Variants in PCSK2 observed in about 807,000 individuals in gnomAD.
The protein encoded by PCSK2 is proprotein convertase subtilisin/kexin type 2, also known as neuroendocrine convertase 2.
In PCSK2, 14 loss-of-function variants were observed where a neutral mutation model predicts 69.7. The ratio of observed to expected loss-of-function variants is 0.20; its 90% CI spans 0.13 to 0.31. The LOEUF is 0.31. PCSK2 is among the 10% of genes least tolerant of loss of function. The probability of loss-of-function intolerance (pLI) is 1.00; values close to 1 mark genes in which losing one functional copy is unlikely to be tolerated. For synonymous variants in PCSK2, 307 were observed against 320.7 expected (o/e 0.96, Z 0.46); for missense variants, 544 against 842.5 (o/e 0.65, Z 4.39).
chr20:17,383,391 G>A (rs565374197), intron 5 of PCSK2, among the ~76,000 whole-genome samples: 30 of 152,250 alleles, frequency 2.0e-4, no homozygotes, highest in Non-Finnish European at 3.7e-4. Flanking sequence ...AACTTCTGGG[G>A]AGAAATACTA....
At chr20:17,352,371 A>G (rs1204961568) in intron 2 of PCSK2, among the ~76,000 whole-genome samples, 1 of 152,242 alleles carries the variant, frequency 6.6e-6, no homozygotes, top group Non-Finnish European at 1.5e-5. Flanking sequence ...TATAAAACCA[A>G]AAAGAGCCCG....
chr20:17,416,288 C>T (rs938476436), intron 6 of PCSK2, among the ~76,000 whole-genome samples: 42 of 152,120 alleles, frequency 2.8e-4, no homozygotes, highest in African/African-American at 9.4e-4. Flanking sequence ...TGACAAAGGG[C>T]TAATATCCAG....
At chr20:17,287,083 G>T (rs1391478913) in intron 2 of PCSK2, among the ~76,000 whole-genome samples, 1 of 151,930 alleles carries the variant, frequency 6.6e-6, no homozygotes, top group African/African-American at 2.4e-5. Flanking sequence ...AAAACCATAA[G>T]ATAAGACCCA....
chr20:17,439,839 A>T (rs8118830), intron 8 of PCSK2, among the ~76,000 whole-genome samples: 3,275 of 152,314 alleles, frequency 0.022, 125 homozygotes, highest in African/African-American at 0.075. Context: ...CTTTGCAAAG[A>T]CAGTTTCCTT....
At chr20:17,318,458 A>G (rs1464463604) in intron 2 of PCSK2, among the ~76,000 whole-genome samples, 1 of 152,214 alleles carries the variant, frequency 6.6e-6, no homozygotes, top group Non-Finnish European at 1.5e-5. Flanking sequence ...TTTCATATAG[A>G]TGAAAAACAA....
At chr20:17,315,288 G>C (rs914353783) in intron 2 of PCSK2, among the ~76,000 whole-genome samples, 50 of 151,706 alleles carry the variant, frequency 3.3e-4, no homozygotes, top group African/African-American at 1.1e-3. Context: ...GGAGGGGTTG[G>C]CCAGAGAGTT....
intron 2 of PCSK2, among the ~76,000 whole-genome samples, chr20:17,310,862 C>T (rs115300241): frequency 0.01 from 1,571 of 151,356 alleles, 28 homozygotes; most frequent in African/African-American, 0.035. Flanking sequence ...GTATTACGGG[C>T]GTGGTGGCAC....
intron 6 of PCSK2, among the ~76,000 whole-genome samples, chr20:17,409,619 T>G (rs2031827014): frequency 6.6e-6 from 1 of 152,242 alleles, no homozygotes; most frequent in Non-Finnish European, 1.5e-5. Flanking sequence ...AAGTTCTTTC[T>G]CAACCCATTA....
chr20:17,436,916 T>C, intron 8 of PCSK2, 33 bp downstream of exon 8: 1 of 1,553,394 alleles, frequency 6.4e-7, no homozygotes, highest in South Asian at 1.2e-5. Flanking sequence ...CCCCGGCCAC[T>C]CACAAGTTGG....
chr20:17,400,589 G>A (rs1488203869), intron 5 of PCSK2, among the ~76,000 whole-genome samples: 1 of 152,044 alleles, frequency 6.6e-6, no homozygotes, highest in Non-Finnish European at 1.5e-5. Flanking sequence ...TACACAAAAT[G>A]TAATTTTTAC....
intron 5 of PCSK2, among the ~76,000 whole-genome samples, chr20:17,398,343 A>G (rs917980486): frequency 3.3e-5 from 5 of 152,000 alleles, no homozygotes; most frequent in Admixed American, 3.3e-4. Context: ...TGGGCAACAC[A>G]GTGAAACTCT....
At chr20:17,446,133 C>T (rs1056277367) in intron 8 of PCSK2, among the ~76,000 whole-genome samples, 2 of 152,222 alleles carry the variant, frequency 1.3e-5, no homozygotes, top group Non-Finnish European at 2.9e-5. Context: ...GCACCTCTGA[C>T]ATCAGAAAGA....
intron 9 of PCSK2, among the ~76,000 whole-genome samples, chr20:17,455,015 G>T (rs1413410942): frequency 6.6e-6 from 1 of 152,126 alleles, no homozygotes; most frequent in Non-Finnish European, 1.5e-5. Flanking sequence ...CCAAACAGAA[G>T]GGGGCTTTGA....
chr20:17,477,194 GT>G (rs2033306331), intron 11 of PCSK2, among the ~76,000 whole-genome samples: 1 of 152,194 alleles, frequency 6.6e-6, no homozygotes. Flanking sequence ...TTTTGTAAAT[GT>G]GCTTTACAAG....
chr20:17,388,180 G>A (rs1459368542), intron 5 of PCSK2, among the ~76,000 whole-genome samples: 1 of 152,076 alleles, frequency 6.6e-6, no homozygotes, highest in Non-Finnish European at 1.5e-5. Context: ...TGACATTGGA[G>A]AAGTAGAAAG....
chr20:17,276,323 T>C (rs770527318), intron 2 of PCSK2, among the ~76,000 whole-genome samples: 1 of 152,174 alleles, frequency 6.6e-6, no homozygotes. Flanking sequence ...TAAGTGTTTC[T>C]TGTGCTAATT....
intron 6 of PCSK2, among the ~76,000 whole-genome samples, chr20:17,417,756 T>C (rs1326362669): frequency 6.6e-6 from 1 of 152,218 alleles, no homozygotes; most frequent in Non-Finnish European, 1.5e-5. Flanking sequence ...TGAAATGATA[T>C]TATGCCTGAT....
chr20:17,281,069 AT>A (rs1453370308), intron 2 of PCSK2, among the ~76,000 whole-genome samples: 1 of 152,084 alleles, frequency 6.6e-6, no homozygotes, highest in Non-Finnish European at 1.5e-5. Flanking sequence ...AAAAGCAAAT[AT>A]TTTTACTTGA....
chr20:17,313,332 A>C (rs2123115628), intron 2 of PCSK2, among the ~76,000 whole-genome samples: 1 of 152,176 alleles, frequency 6.6e-6, no homozygotes. Flanking sequence ...TGAGTAAGCT[A>C]GTCCTCAGAT....
Sources: allele counts gnomAD v4.1 joint callset (sites outside exome capture counted in the v4.1 genomes callset), GRCh38; gene constraint gnomAD v4.1.1; transcripts MANE v1.5; gene names NCBI Gene and HGNC (gene_info 2026-07-23, HGNC 2026-07-21).